The following PNP variants were observed in gnomAD, a reference collection of about 807,000 sequenced individuals.
The protein encoded by PNP is HEL-S-156an.
In PNP, 18 loss-of-function variants were observed where a neutral mutation model predicts 26.8. The observed-to-expected ratio is 0.67, with a 90% CI of 0.46 to 1.00. The LOEUF is 1.00. Ranked by LOEUF, PNP falls within the 50% of genes least tolerant of loss-of-function variation. The pLI is 0.00. For missense variants in PNP, 320 were observed against 362.9 expected, an observed-to-expected ratio of 0.88 and a Z score of 0.96; for synonymous variants, 116 against 124.8, an observed-to-expected ratio of 0.93 and a Z score of 0.47.
intron 2 of PNP, 92 bp downstream of exon 2, chr14:20,472,569 AC>A: frequency 8.4e-7 from 1 of 1,195,560 alleles, no homozygotes; most frequent in Non-Finnish European, 1.2e-6. Context: ...CTACTCCTTG[AC>A]CTAGCATTTC....
At position 20,475,245 on chromosome 14, in the gene PNP, C is replaced by G; in HGVS notation, c.645C>G (p.Asp215Glu). The G allele has an allele frequency of 6.2e-7, 1 of 1,611,694 alleles. No individual in the cohort carries two copies. Among genetic ancestry groups the G allele is most frequent in the Non-Finnish European group, 8.5e-7 (1 of 1,178,318 alleles). The part of the protein sequence containing the change: ...ECRVLQKLGA[D>E]AVGMSTVPEV... ...GTGTGCTGCAGAAGCTGGGAGCAGACGCTGTTGGTGAGAAGGGGAATTTGG... is the reference window on the plus strand; with the variant it reads ...GTGTGCTGCAGAAGCTGGGAGCAGAGGCTGTTGGTGAGAAGGGGAATTTGG... Residue 215 changes from aspartate (D) to glutamate (E), a missense_variant, in exon 5 of 6, where the codon GAC becomes GAG. By Grantham distance (45) the Asp-to-Glu change is conservative (BLOSUM62 2). Coordinates refer to ENST00000361505, the MANE Select transcript of PNP (RefSeq NM_000270.4).
chr14:20,476,191 C>T (rs932744001), intron 5 of PNP, among the ~76,000 whole-genome samples, 193 bp from the exon 6 acceptor site: 10 of 152,196 alleles, frequency 6.6e-5, no homozygotes, highest in African/African-American at 2.4e-4. Flanking sequence ...AGGCTGGTCT[C>T]AAACTCCCGG....
intron 1 of PNP, 41 bp from the exon 2 acceptor site, chr14:20,472,267 G>C: frequency 6.3e-7 from 1 of 1,576,594 alleles, no homozygotes; most frequent in Non-Finnish European, 8.7e-7. Flanking sequence ...GATGCCCTTG[G>C]AATGGGAGCA....
At position 20,474,778 on chromosome 14, in the gene PNP, A is replaced by G. The variant is rs1449809098; in HGVS notation, c.291A>G (p.Thr97=). 1.2e-6 allele frequency: 2 copies of G among 1,613,968 alleles called. No homozygotes were observed. The highest frequency in any genetic ancestry group is 1.7e-6 in the Non-Finnish European group (2 of 1,179,980). The change falls in exon 4 of 6, where the codon ACA becomes ACG. Residue 97 remains threonine, a synonymous_variant. Transcript: ENST00000361505. ...MYEGYPLWKV[T]FPVRVFHLLG... is the part of the protein sequence containing the mutation. Reference sequence around the variant, plus strand: ...TCGGATTGTTTGCTTCGAAGGTGACATTCCCAGTGAGGGTTTTCCACCTTC... The same window carrying G: ...TCGGATTGTTTGCTTCGAAGGTGACGTTCCCAGTGAGGGTTTTCCACCTTC...
chr14:20,475,288 G>A (rs1446044706), intron 5 of PNP, 36 bp downstream of exon 5: 3 of 1,589,098 alleles, frequency 1.9e-6, no homozygotes, highest in Non-Finnish European at 1.7e-6. Context: ...CTTGAAGAGG[G>A]AGGGGTTTAG....
chr14:20,470,423 C>T (rs1032336505), intron 1 of PNP: 8 of 152,398 alleles, frequency 5.2e-5, no homozygotes, highest in African/African-American at 1.9e-4. Context: ...CAGCCCCCAA[C>T]CTACCTGATC....
At chr14:20,473,870 T>A (rs1417614888) in intron 2 of PNP, 1 of 153,122 alleles carries the variant, frequency 6.5e-6, no homozygotes, top group South Asian at 2.0e-4. Context: ...GGCCTATTTT[T>A]AATTTTAATT....
rs963944697 is a variant in PNP, at chr14:20,475,154, G to A, written c.554G>A (p.Arg185His). Residue 185 changes from arginine (R) to histidine (H), a missense_variant, in exon 5 of 6, where the codon CGT becomes CAT. Arg to His is a conservative substitution (Grantham distance 29, BLOSUM62 0). Transcript: ENST00000361505. ...ACCTGGAAACAAATGGGGGAGCAAC[G>A]TGAGCTACAGGAAGGCACCTATGTG... ...LSTWKQMGEQ[R>H]ELQEGTYVMV... 33 of 1,614,098 alleles carry A rather than the reference G, an allele frequency of 2.0e-5. No homozygotes were observed. The highest frequency in any genetic ancestry group is 8.0e-5 in the African/African-American group (6 of 74,934).
At chr14:20,472,792 G>A (rs948461292) in intron 2 of PNP, 8 of 322,478 alleles carry the variant, frequency 2.5e-5, no homozygotes, top group African/African-American at 1.7e-4. Flanking sequence ...ACTAACTTCT[G>A]TTGGTTTATT....
At position 20,472,491 on chromosome 14, in the gene PNP, A is replaced by C; in HGVS notation, c.181+14A>C. ...CCCGAAGTACAGGTACTGGCAAGGG[A>C]AAGTGGGGAATGGGACTGAGGGATG... On this transcript the variant is annotated intron_variant, in intron 2 of 5. Transcript: ENST00000361505. The C allele has an allele frequency of 6.2e-7, 1 of 1,612,082 alleles. No homozygotes were observed. Among genetic ancestry groups the C allele is most frequent in the Non-Finnish European group, 8.5e-7 (1 of 1,178,228 alleles).
rs890066062 is a variant in PNP at position 20,469,464 on chromosome 14, T to TCGGATCGGAG, written c.-49_-40dup. On this transcript the variant is annotated 5_prime_UTR_variant, in exon 1 of 6. Coordinates refer to ENST00000361505, the MANE Select transcript of PNP (RefSeq NM_000270.4). Reference sequence around the variant, plus strand: ...GTTCAGCATAGCGGAGCGGATCCGATCGGATCGGAGCGGATCGGAGCACAC... The same window carrying TCGGATCGGAG: ...GTTCAGCATAGCGGAGCGGATCCGATCGGATCGGAGCGGATCGGAGCGGATCGGAGCACAC... The TCGGATCGGAG allele has an allele frequency of 3.9e-6, 6 of 1,548,860 alleles. No homozygotes were observed. The highest frequency in any genetic ancestry group is 2.0e-5 in the Admixed American group (1 of 50,984).
In PNP at chr14:20,471,430, G is replaced by GTT. The variant is rs202204253; in HGVS notation, c.12-873_12-872dup. On this transcript the variant is annotated intron_variant, in intron 1 of 5. Coordinates refer to ENST00000361505, the MANE Select transcript of PNP (RefSeq NM_000270.4). ...GGGTTTTGTGTGTGTGTGTGTGTGT[G>GTT]TTTTTTATAGGGTCTCACTCTGTCA... is the stretch of plus-strand genomic sequence containing the variant. Among the ~76,000 whole-genome samples the GTT allele has an allele frequency of 2.7e-4, 41 of 151,096 alleles. 1 individual carries two copies. Among genetic ancestry groups the GTT allele is most frequent in the Middle Eastern group, 3.5e-3 (1 of 288 alleles).
chr14:20,472,273 G>A (rs1194306709), intron 1 of PNP, 35 bp from the exon 2 acceptor site: 3 of 1,590,090 alleles, frequency 1.9e-6, no homozygotes, highest in Non-Finnish European at 2.6e-6. Flanking sequence ...CTTGGAATGG[G>A]AGCAGAATTC....
intron 2 of PNP, chr14:20,473,273 A>G (rs1882027405): frequency 6.6e-6 from 1 of 152,380 alleles, no homozygotes; most frequent in East Asian, 1.9e-4. Context: ...GATAAAAGAA[A>G]TGGTAATAAT....
At position 20,476,591 on chromosome 14, in the gene PNP, A is replaced by G. The variant is rs1406166090; in HGVS notation, c.860A>G (p.Lys287Arg). The G allele has an allele frequency of 1.9e-6, 3 of 1,614,060 alleles. No individual in the cohort carries two copies. ...ATGGCCAGCATTCCACTCCCTGACA[A>G]AGCCAGTTGACCTGCCTTGGAGTCG... ...ILMASIPLPD[K>R]AS The change falls in exon 6 of 6, where the codon AAA becomes AGA. Residue 287 changes from lysine (K) to arginine (R), a missense_variant. Coordinates refer to ENST00000361505, the MANE Select transcript of PNP (RefSeq NM_000270.4).
rs1056105284 is a variant in PNP at position 20,469,426 on chromosome 14, G to A, written c.-99G>A. On this transcript the variant is annotated 5_prime_UTR_variant, in exon 1 of 6. Coordinates refer to ENST00000361505, the MANE Select transcript of PNP (RefSeq NM_000270.4). ...GAGCCAACTGTGCGAACCAGACCCG[G>A]CAGCCTTGCTCAGTTCAGCATAGCG... 7.4e-6 allele frequency: 11 copies of A among 1,488,720 alleles called. No homozygotes were observed. In the African/African-American group the frequency reaches 1.4e-4, roughly 19 times the overall value. 92.2% of individuals were successfully genotyped at this position (1,488,720 alleles called of 1,614,324 possible).
At chr14:20,473,024 T>TA (rs1256760809) in intron 2 of PNP, 5 of 158,310 alleles carry the variant, frequency 3.2e-5, no homozygotes, top group Non-Finnish European at 7.0e-5. Context: ...TGGCCACTCC[T>TA]ACCCCCAGTG....
At position 20,475,245 on chromosome 14, in the gene PNP, C is replaced by T. The variant is rs369193020; in HGVS notation, c.645C>T (p.Asp215=). 60 of 1,611,576 alleles carry T rather than the reference C, an allele frequency of 3.7e-5. No individual in the cohort carries two copies. Among genetic ancestry groups the T allele is most frequent in the African/African-American group, 6.7e-5 (5 of 74,788 alleles). ...GTGTGCTGCAGAAGCTGGGAGCAGA[C>T]GCTGTTGGTGAGAAGGGGAATTTGG... is the stretch of plus-strand genomic sequence containing the variant. The part of the protein sequence containing the change: ...ECRVLQKLGA[D]AVGMSTVPEV... The change falls in exon 5 of 6, where the codon GAC becomes GAT. Residue 215 remains aspartate (D), a synonymous_variant. Transcript: ENST00000361505.
rs1882129058 is a variant in PNP, at chr14:20,476,920, G to T, written c.*319G>T. On this transcript the variant is annotated 3_prime_UTR_variant, in exon 6 of 6. Transcript: ENST00000361505. ...TGGAGATGCCCAGGATTTGACTCGG[G>T]CCTTAGAACTTTGCATAGCAGCTGC... is the stretch of plus-strand genomic sequence containing the variant. 2.5e-6 allele frequency: 1 copy of T among 406,156 alleles called. No individual in the cohort carries two copies. Among genetic ancestry groups the T allele is most frequent in the Non-Finnish European group, 4.7e-6 (1 of 214,698 alleles). The allele number at this position is 406,156 out of a possible 1,614,324, so 25.2% of individuals were successfully genotyped here.
Sources: allele counts gnomAD v4.1 joint callset (sites outside exome capture counted in the v4.1 genomes callset), GRCh38; gene constraint gnomAD v4.1.1; transcripts MANE v1.5; gene names NCBI Gene and HGNC (gene_info 2026-07-23, HGNC 2026-07-21).